The following VWA2 variants were observed in gnomAD, a reference collection of about 807,000 sequenced individuals.
VWA2 encodes von Willebrand factor A domain containing 2.
In VWA2, 73 loss-of-function variants were observed where a neutral mutation model predicts 70.4. That is an observed-to-expected ratio of 1.04 (90% CI 0.86 to 1.26). The LOEUF is 1.26. VWA2 is among the 50% of genes most tolerant of loss of function. The pLI is 0.00. For missense variants in VWA2, 1,011 were observed against 998.5 expected (o/e 1.01, Z -0.17); for synonymous variants, 407 against 423.3 (o/e 0.96, Z 0.47).
chr10:114,262,453 C>T (rs1432305618), intron 5 of VWA2, among the ~76,000 whole-genome samples: 1 of 152,056 alleles, frequency 6.6e-6, no homozygotes, highest in African/African-American at 2.4e-5. Context: ...ACTTGATTTG[C>T]CCCTTGCCAC....
intron 1 of VWA2, among the ~76,000 whole-genome samples, chr10:114,241,374 C>G (rs2036971502): frequency 2.0e-5 from 3 of 152,200 alleles, no homozygotes. Flanking sequence ...TCCCACCCTC[C>G]CTACAACACA....
chr10:114,261,176 C>G lies in VWA2; in HGVS notation c.262-10C>G. On this transcript the variant is annotated splice_polypyrimidine_tract_variant and intron_variant, in intron 4 of 13. Transcript: ENST00000392982. ...TCTCGGGGCCCTGAGCCCCCTGTCT[C>G]CTACTGCAGGTCAGAGTGGGAGCAT... 1 of 1,605,536 alleles carries G rather than the reference C, an allele frequency of 6.2e-7. No homozygotes were observed. Among genetic ancestry groups the G allele is most frequent in the Non-Finnish European group, 8.5e-7 (1 of 1,172,764 alleles).
At chr10:114,277,808 A>G in intron 6 of VWA2, 106 bp from the exon 7 acceptor site, 1 of 1,379,362 alleles carries the variant, frequency 7.2e-7, no homozygotes, top group Non-Finnish European at 9.6e-7. Context: ...ACAAAACCAG[A>G]CACTAAATCT....
Position 114,273,393 on chromosome 10 carries a change from C to T in VWA2, c.566+459C>T, listed in dbSNP as rs139746795. 1.5e-4 allele frequency among the ~76,000 whole-genome samples: 23 copies of T among 152,300 alleles called. No homozygotes were observed. In the East Asian group the frequency reaches 4.2e-3, roughly 28 times the overall value. ...TGCCCAGCTCACGTCTTCAGAGCTC[C>T]ACCCTGGAGAGAAAAGACCCCTTTC... On this transcript the variant is annotated intron_variant, in intron 6 of 13. Coordinates refer to ENST00000392982, the MANE Select transcript of VWA2 (RefSeq NM_001272046.2).
chr10:114,294,335 TA>T lies in VWA2; in HGVS notation c.*3099del, dbSNP rs1458601849. Among the ~76,000 whole-genome samples the T allele has an allele frequency of 6.6e-6, 1 of 152,232 alleles. No individual in the cohort carries two copies. The highest frequency in any genetic ancestry group is 6.5e-5 in the Admixed American group (1 of 15,282). On this transcript the variant is annotated 3_prime_UTR_variant, in exon 14 of 14. Coordinates refer to ENST00000392982, the MANE Select transcript of VWA2 (RefSeq NM_001272046.2). ...AACTTTTACACTGATATATTCATAG[TA>T]TTTTTTTATAATTTGAAAAATCTTG...
At chr10:114,272,663 G>T in intron 5 of VWA2, 77 bp from the exon 6 acceptor site, 1 of 1,325,622 alleles carries the variant, frequency 7.5e-7, no homozygotes, top group South Asian at 1.6e-5. Flanking sequence ...AGAGCTCATC[G>T]ATTTCAGACT....
chr10:114,285,991 C>T lies in VWA2; in HGVS notation c.1050C>T (p.Ser350=), dbSNP rs369893768. The part of the protein sequence containing the change: ...CRVDLLFLLD[S]SAGTTLDGFL... Reference sequence around the variant, plus strand: ...TCGACCTCCTCTTCCTGCTGGACAGCTCTGCGGGCACCACTCTGGACGGCT... The same window carrying T: ...TCGACCTCCTCTTCCTGCTGGACAGTTCTGCGGGCACCACTCTGGACGGCT... The change falls in exon 11 of 14, where the codon AGC becomes AGT. Residue 350 remains serine, a synonymous_variant. Transcript: ENST00000392982. The T allele has an allele frequency of 3.7e-6, 6 of 1,613,390 alleles. No homozygotes were observed. The African/African-American group carries it at 8.0e-5, about 22-fold the overall frequency.
At chr10:114,270,883 C>T (rs978389298) in intron 5 of VWA2, among the ~76,000 whole-genome samples, 2 of 152,178 alleles carry the variant, frequency 1.3e-5, no homozygotes, top group African/African-American at 2.4e-5. Context: ...TCGCTAGCTC[C>T]AGAACACAGG....
rs763733446 is a variant in VWA2 at position 114,286,022 on chromosome 10, C to T, written c.1081C>T (p.Arg361Trp). ...GGGCACCACTCTGGACGGCTTCCTG[C>T]GGGCCAAAGTCTTCGTGAAGCGGTT... ...SAGTTLDGFLRAKVFVKRFVR... is the reference protein window; with the variant it reads ...SAGTTLDGFLWAKVFVKRFVR... The change falls in exon 11 of 14, where the codon CGG becomes TGG. Residue 361 changes from arginine (R) to tryptophan (W), a missense_variant. Transcript: ENST00000392982. 8.4e-5 allele frequency: 136 copies of T among 1,613,960 alleles called. No individual in the cohort carries two copies. In the South Asian group the frequency reaches 8.5e-4, roughly 10 times the overall value.
In VWA2 at chr10:114,261,281, G is replaced by C; in HGVS notation, c.357G>C (p.Lys119Asn). 3 of 1,614,052 alleles carry C rather than the reference G, an allele frequency of 1.9e-6. No individual in the cohort carries two copies. Among genetic ancestry groups the C allele is most frequent in the Non-Finnish European group, 2.5e-6 (3 of 1,179,920 alleles). ...STQQEVKARI[K>N]RMVFKGGRTE... ...AACAGGAAGTGAAGGCAAGAATCAA[G>C]AGGATGGTTTTCAAGTATGTATGAT... The change falls in exon 5 of 14, where the codon AAG becomes AAC. Residue 119 changes from lysine to asparagine, a missense_variant. By Grantham distance (94) the Lys-to-Asn change is moderately conservative. Transcript: ENST00000392982.
Position 114,284,910 on chromosome 10 carries a change from G to T in VWA2, c.937G>T (p.Glu313Ter), listed in dbSNP as rs760573254. ...CCAGAATGGAGGCACATGTGTTCCA[G>T]AAGGACTGGACGGCTACCAGTGCCT... ...PCQNGGTCVPEGLDGYQCLCP... is the reference protein window; with the variant it reads ...PCQNGGTCVP Residue 313 changes from glutamate to a stop codon, truncating the protein, a stop_gained, in exon 10 of 14, where the codon GAA (glutamate) becomes TAA (stop). Coordinates refer to ENST00000392982, the MANE Select transcript of VWA2 (RefSeq NM_001272046.2). LOFTEE classifies it high-confidence loss of function. The T allele has an allele frequency of 2.5e-6, 4 of 1,606,410 alleles. No homozygotes were observed. Among genetic ancestry groups the T allele is most frequent in the Non-Finnish European group, 3.4e-6 (4 of 1,177,646 alleles).
In VWA2 at chr10:114,272,916, T is replaced by TG. The variant is rs775508054; in HGVS notation, c.553dup (p.Val185GlyfsTer17). Reference sequence around the variant, plus strand: ...GAAAGGGGTGTCACTGTGTTTGCTGTGGGGGTCAGGTTTCCCAGGTAAGAG... The same window carrying TG: ...GAAAGGGGTGTCACTGTGTTTGCTGTGGGGGGTCAGGTTTCCCAGGTAAGAG... On this transcript the variant is annotated frameshift_variant, in exon 6 of 14. Coordinates refer to ENST00000392982, the MANE Select transcript of VWA2 (RefSeq NM_001272046.2). LOFTEE classifies it high-confidence loss of function. 2 of 1,612,262 alleles carry TG rather than the reference T, an allele frequency of 1.2e-6. No individual in the cohort carries two copies. Among genetic ancestry groups the TG allele is most frequent in the Admixed American group, 1.7e-5 (1 of 59,864 alleles).
chr10:114,281,894 T>C (rs1477245140), intron 8 of VWA2: 17 of 227,110 alleles, frequency 7.5e-5, no homozygotes, highest in Non-Finnish European at 1.1e-4. Context: ...CAGTTCCCAA[T>C]ATTTCTCTCC....
intron 6 of VWA2, among the ~76,000 whole-genome samples, chr10:114,273,802 C>T (rs2037762231): frequency 1.3e-5 from 2 of 152,052 alleles, no homozygotes; most frequent in Admixed American, 6.6e-5. Flanking sequence ...ATACAAAGTC[C>T]CTGCCCTCAT....
At chr10:114,288,024 G>T (rs956781223) in intron 11 of VWA2, among the ~76,000 whole-genome samples, 1 of 152,146 alleles carries the variant, frequency 6.6e-6, no homozygotes, top group Non-Finnish European at 1.5e-5. Flanking sequence ...CAGAGCATCA[G>T]CTCCTCTAAC....
chr10:114,274,789 C>G (rs2037791634), intron 6 of VWA2, among the ~76,000 whole-genome samples: 1 of 152,148 alleles, frequency 6.6e-6, no homozygotes, highest in Non-Finnish European at 1.5e-5. Context: ...GCCACTGCGC[C>G]TGGCGTTGGC....
chr10:114,258,814 T>C, intron 4 of VWA2, among the ~76,000 whole-genome samples: 1 of 152,228 alleles, frequency 6.6e-6, no homozygotes, highest in East Asian at 1.9e-4. Flanking sequence ...TCTTTCTCTC[T>C]TATTACACAA....
In VWA2 at chr10:114,271,608, A is replaced by AACACACACACAC. The variant is rs142127208; in HGVS notation, c.372-1108_372-1097dup. Among the ~76,000 whole-genome samples, 811 of 144,772 alleles carry AACACACACACAC rather than the reference A, an allele frequency of 5.6e-3. 4 individuals carry two copies. Among genetic ancestry groups the AACACACACACAC allele is most frequent in the Middle Eastern group, 0.011 (3 of 284 alleles). The allele number at this position is 144,772 out of a possible 152,430, so 95.0% of individuals were successfully genotyped here. On this transcript the variant is annotated intron_variant, in intron 5 of 13. Coordinates refer to ENST00000392982, the MANE Select transcript of VWA2 (RefSeq NM_001272046.2). ...ATGTCAGACTTGCATGAGAAGTAAA[A>AACACACACACAC]ACACACACACACACACACACACACA... is the stretch of plus-strand genomic sequence containing the variant.
chr10:114,271,468 G>C (rs552562315), intron 5 of VWA2, among the ~76,000 whole-genome samples: 5 of 152,152 alleles, frequency 3.3e-5, no homozygotes, highest in Non-Finnish European at 7.3e-5. Flanking sequence ...CTGCTGAATG[G>C]AGAGCATTTT....
Sources: gnomAD v4.1 joint callset for allele counts (sites outside exome capture counted in the v4.1 genomes callset) on GRCh38, gnomAD v4.1.1 for gene constraint, MANE v1.5 for transcripts, NCBI Gene and HGNC (gene_info 2026-07-23, HGNC 2026-07-21) for gene names.